CCDC178: variants seen among roughly 807,000 people sequenced by gnomAD.
CCDC178 encodes the protein coiled-coil domain containing 178.
A neutral mutation model predicts 117.4 loss-of-function variants in CCDC178; 126 were observed. The observed-to-expected ratio is 1.07, with a 90% CI of 0.93 to 1.24. CCDC178 has a LOEUF of 1.24. CCDC178 is among the 50% of genes most tolerant of loss of function. The probability of loss-of-function intolerance (pLI) is 0.00; values close to 1 mark genes in which losing one functional copy is unlikely to be tolerated. For missense variants in CCDC178, 1,030 were observed against 986.9 expected, an observed-to-expected ratio of 1.04 and a Z score of -0.59; for synonymous variants, 283 against 313.4, an observed-to-expected ratio of 0.90 and a Z score of 1.02.
intron 20 of CCDC178, among the ~76,000 whole-genome samples, chr18:33,152,002 C>T (rs1258197375): frequency 2.0e-5 from 3 of 152,124 alleles, no homozygotes; most frequent in Non-Finnish European, 4.4e-5. Flanking sequence ...GAGTGTGTAT[C>T]TCAAGATCTG....
At chr18:33,011,874 G>C (rs1217889278) in intron 21 of CCDC178, among the ~76,000 whole-genome samples, 1 of 146,234 alleles carries the variant, frequency 6.8e-6, no homozygotes, top group African/African-American at 2.5e-5. Flanking sequence ...GGAGATGATG[G>C]TTACGGTGGG....
chr18:33,275,860 AT>A (rs1241642564), intron 12 of CCDC178, among the ~76,000 whole-genome samples: 3 of 151,888 alleles, frequency 2.0e-5, no homozygotes, highest in African/African-American at 7.2e-5. Flanking sequence ...CCTGATTGAT[AT>A]TATGACATGT....
chr18:33,011,767 C>CAAAAAAAAAAAAAAAAAAAAAAA lies in CCDC178; in HGVS notation c.2389-37109_2389-37087dup, dbSNP rs71177899. ...ACGTGGCAAATGATTGAGCAGAATG[C>CAAAAAAAAAAAAAAAAAAAAAAA]AAAAAAAAAAAAAAAAAAAAAAAAA... On this transcript the variant is annotated intron_variant, in intron 21 of 22. Transcript: ENST00000383096. Among the ~76,000 whole-genome samples the CAAAAAAAAAAAAAAAAAAAAAAA allele has an allele frequency of 2.0e-4, 6 of 30,016 alleles. 3 individuals carry two copies. Among genetic ancestry groups the CAAAAAAAAAAAAAAAAAAAAAAA allele is most frequent in the Non-Finnish European group, 5.4e-4 (6 of 11,132 alleles). The allele number at this position is 30,016 out of a possible 152,430, so 19.7% of individuals were successfully genotyped here.
intron 20 of CCDC178, among the ~76,000 whole-genome samples, chr18:33,109,819 C>T (rs987671148): frequency 2.0e-5 from 3 of 151,492 alleles, no homozygotes; most frequent in African/African-American, 4.8e-5. Flanking sequence ...ATTATCATCA[C>T]TATATACTAT....
In CCDC178 at chr18:33,412,030, C is replaced by A; in HGVS notation, c.58+1G>T. On this transcript the variant is annotated splice_donor_variant, in intron 3 of 22. Coordinates refer to ENST00000383096, the MANE Select transcript of CCDC178 (RefSeq NM_001105528.4). LOFTEE classifies it high-confidence loss of function. ...AGAAAATCAATTTATGATAAACTTACCTATATTGGTTTGATCATCTCTAGT... is the reference window on the plus strand; with the variant it reads ...AGAAAATCAATTTATGATAAACTTAACTATATTGGTTTGATCATCTCTAGT... 1 of 1,414,836 alleles carries A rather than the reference C, an allele frequency of 7.1e-7. No homozygotes were observed. Among genetic ancestry groups the A allele is most frequent in the Non-Finnish European group, 9.8e-7 (1 of 1,018,650 alleles). The allele number at this position is 1,414,836 out of a possible 1,614,324, so 87.6% of individuals were successfully genotyped here. A position where few individuals can be genotyped will look rare whatever the true frequency, so the allele number is the denominator to read the frequency against.
intron 20 of CCDC178, among the ~76,000 whole-genome samples, chr18:33,115,647 T>C (rs2057846986): frequency 6.6e-6 from 1 of 152,032 alleles, no homozygotes; most frequent in African/African-American, 2.4e-5. Context: ...AATCATACAT[T>C]TGCATACTTC....
intron 14 of CCDC178, among the ~76,000 whole-genome samples, chr18:33,266,499 TG>T (rs545261405): frequency 6.0e-4 from 91 of 150,940 alleles, no homozygotes; most frequent in African/African-American, 2.1e-3. Context: ...GATAAGGCTG[TG>T]TAAAGCTGCT....
intron 12 of CCDC178, among the ~76,000 whole-genome samples, chr18:33,279,485 C>T (rs2059994490): frequency 6.6e-6 from 1 of 152,184 alleles, no homozygotes; most frequent in Non-Finnish European, 1.5e-5. Flanking sequence ...ATTCCATGCT[C>T]ATGGGTAGGA....
At position 33,288,386 on chromosome 18, in the gene CCDC178, TC is replaced by T. The variant is rs1220697447; in HGVS notation, c.1176+4772del. ...TCCCTTCTGCTCTCCTCCCCTCCTCTCCCCCCCTCCCCTTCCTTCCTTCCTT... is the reference window on the plus strand; with the variant it reads ...TCCCTTCTGCTCTCCTCCCCTCCTCTCCCCCCTCCCCTTCCTTCCTTCCTT... On this transcript the variant is annotated intron_variant, in intron 12 of 22. Coordinates refer to ENST00000383096, the MANE Select transcript of CCDC178 (RefSeq NM_001105528.4). Among the ~76,000 whole-genome samples the T allele has an allele frequency of 3.8e-4, 25 of 65,880 alleles. No homozygotes were observed. In the South Asian group the frequency reaches 4.3e-3, roughly 11 times the overall value. 43.2% of individuals were successfully genotyped at this position (65,880 alleles called of 152,430 possible).
chr18:33,236,282 T>C (rs1373979218), intron 15 of CCDC178, among the ~76,000 whole-genome samples: 7 of 152,138 alleles, frequency 4.6e-5, no homozygotes, highest in Admixed American at 2.6e-4. Flanking sequence ...TTTTCATGAA[T>C]CAGTCCATGA....
At chr18:32,941,806 A>G (rs2054244994) in intron 22 of CCDC178, among the ~76,000 whole-genome samples, 1 of 152,086 alleles carries the variant, frequency 6.6e-6, no homozygotes, top group Non-Finnish European at 1.5e-5. Context: ...ATACTACATT[A>G]TGTCTACTTG....
rs950632252 is a variant in CCDC178, at chr18:33,110,860, C to T, written c.2239-17950G>A. Among the ~76,000 whole-genome samples, 3 of 151,524 alleles carry T rather than the reference C, an allele frequency of 2.0e-5. No individual in the cohort carries two copies. In the Admixed American group the frequency reaches 2.0e-4, roughly 10 times the overall value. On this transcript the variant is annotated intron_variant, in intron 20 of 22. Transcript: ENST00000383096. ...CTGGCAGTAATTTCTCAACTTTGTC[C>T]ATCTTCAAGACCCTTGGCCCTTCAC...
intron 6 of CCDC178, among the ~76,000 whole-genome samples, chr18:33,369,020 T>G (rs1464977258): frequency 6.6e-6 from 1 of 151,872 alleles, no homozygotes; most frequent in Non-Finnish European, 1.5e-5. Flanking sequence ...TAGCAACAAA[T>G]ATTAATTTCT....
chr18:33,196,799 T>C (rs760518063), intron 20 of CCDC178, among the ~76,000 whole-genome samples: 5 of 152,194 alleles, frequency 3.3e-5, no homozygotes, highest in Non-Finnish European at 7.3e-5. Context: ...GTAATAGTTA[T>C]GGTGTTGTGA....
chr18:33,421,631 A>G (rs1314745878), intron 2 of CCDC178, among the ~76,000 whole-genome samples: 1 of 152,234 alleles, frequency 6.6e-6, no homozygotes, highest in Admixed American at 6.5e-5. Context: ...GCACAAAAAG[A>G]CAGGACAAGC....
intron 11 of CCDC178, among the ~76,000 whole-genome samples, chr18:33,313,233 T>A (rs2062366970): frequency 6.6e-6 from 1 of 152,064 alleles, no homozygotes; most frequent in South Asian, 2.1e-4. Flanking sequence ...AATAAACAGG[T>A]AAAAAAATGG....
chr18:33,169,146 G>A (rs2144415248), intron 20 of CCDC178, among the ~76,000 whole-genome samples: 1 of 152,270 alleles, frequency 6.6e-6, no homozygotes, highest in South Asian at 2.1e-4. Flanking sequence ...TTTGCAAAGA[G>A]AATACACTCT....
intron 14 of CCDC178, among the ~76,000 whole-genome samples, chr18:33,263,524 A>C (rs1288460618): frequency 6.6e-6 from 1 of 152,142 alleles, no homozygotes; most frequent in African/African-American, 2.4e-5. Flanking sequence ...GAATAAGATC[A>C]AAACTCATAA....
At chr18:33,293,096 A>T (rs929100171) in intron 12 of CCDC178, 63 bp downstream of exon 12, 2 of 1,162,044 alleles carry the variant, frequency 1.7e-6, no homozygotes, top group South Asian at 1.8e-5. Context: ...TTGACAAAAA[A>T]GTTTACTATT....
Sources: allele counts gnomAD v4.1 joint callset (sites outside exome capture counted in the v4.1 genomes callset), GRCh38; gene constraint gnomAD v4.1.1; transcripts MANE v1.5; gene names NCBI Gene and HGNC (gene_info 2026-07-23, HGNC 2026-07-21).